Variants in COL14A1 observed in about 807,000 individuals in gnomAD.
COL14A1 encodes collagen type XIV alpha 1 chain.
In COL14A1, 136 loss-of-function variants were observed where a neutral mutation model predicts 230.3. That is an observed-to-expected ratio of 0.59 (90% CI 0.51 to 0.68). The LOEUF is 0.68. Ranked by LOEUF, COL14A1 falls within the 30% of genes least tolerant of loss-of-function variation. The pLI, the probability that COL14A1 is intolerant of heterozygous loss-of-function variation, is 0.00. For synonymous variants in COL14A1, 792 were observed against 784.1 expected (o/e 1.01, Z -0.17); for missense variants, 1,976 against 2,215.8 (o/e 0.89, Z 2.17).
At chr8:120,335,714 A>C (rs1822037964) in intron 42 of COL14A1, among the ~76,000 whole-genome samples, 1 of 152,224 alleles carries the variant, frequency 6.6e-6, no homozygotes, top group Admixed American at 6.5e-5. Flanking sequence ...GTCTGCCTTC[A>C]GCTGCCGGCT....
intron 2 of COL14A1, among the ~76,000 whole-genome samples, chr8:120,150,309 G>A (rs772967043): frequency 6.6e-6 from 1 of 152,104 alleles, no homozygotes; most frequent in Non-Finnish European, 1.5e-5. Flanking sequence ...TTGAGGGATA[G>A]GAACAAACAA....
chr8:120,358,038 C>T (rs1351953362), intron 45 of COL14A1, among the ~76,000 whole-genome samples: 1 of 152,022 alleles, frequency 6.6e-6, no homozygotes, highest in Non-Finnish European at 1.5e-5. Flanking sequence ...ATGTTCCCAC[C>T]CTTTATAATT....
At chr8:120,209,123 CTT>C (rs1296093159) in intron 11 of COL14A1, among the ~76,000 whole-genome samples, 1 of 152,164 alleles carries the variant, frequency 6.6e-6, no homozygotes, top group Non-Finnish European at 1.5e-5. Flanking sequence ...AATGCCCTCA[CTT>C]TGCAGAAATA....
At chr8:120,324,330 T>C (rs1333964792) in intron 40 of COL14A1, among the ~76,000 whole-genome samples, 2 of 152,196 alleles carry the variant, frequency 1.3e-5, no homozygotes, top group East Asian at 3.8e-4. Context: ...CATATACATT[T>C]TTAATGTGTG....
chr8:120,223,947 C>T (rs977672276), intron 14 of COL14A1, among the ~76,000 whole-genome samples: 6 of 151,566 alleles, frequency 4.0e-5, no homozygotes, highest in Non-Finnish European at 8.8e-5. Context: ...AGCCCCGTGC[C>T]CAACACCTCA....
chr8:120,360,586 C>T (rs200268831), intron 45 of COL14A1, among the ~76,000 whole-genome samples: 14 of 152,250 alleles, frequency 9.2e-5, no homozygotes, highest in East Asian at 3.8e-4. Flanking sequence ...TTCTTCAAGA[C>T]GTCATTTTGG....
Position 120,313,982 on chromosome 8 carries a change from A to T in COL14A1, c.4506A>T (p.Pro1502=), listed in dbSNP as rs1469124685. The T allele has an allele frequency of 3.7e-6, 6 of 1,613,082 alleles. No individual in the cohort carries two copies. The highest frequency in any genetic ancestry group is 4.5e-5 in the East Asian group (2 of 44,792). ...GEIGLPGPQG[P]PGPQGPSGLS... is the part of the protein sequence containing the mutation. ...TTGGTCTGCCAGGACCTCAGGGTCC[A>T]CCTGGACCTCAAGGACCAAGTGGTC... The change falls in exon 38 of 48, where the codon CCA becomes CCT. Residue 1502 remains proline (P), a synonymous_variant. Coordinates refer to ENST00000297848, the MANE Select transcript of COL14A1 (RefSeq NM_021110.4).
At chr8:120,148,978 T>C (rs1414164915) in intron 2 of COL14A1, among the ~76,000 whole-genome samples, 1 of 152,232 alleles carries the variant, frequency 6.6e-6, no homozygotes, top group African/African-American at 2.4e-5. Context: ...CTGTGGCTAC[T>C]TTCATGCTAC....
intron 45 of COL14A1, among the ~76,000 whole-genome samples, chr8:120,355,956 T>C (rs1245039691): frequency 6.6e-6 from 1 of 152,256 alleles, no homozygotes; most frequent in Admixed American, 6.5e-5. Flanking sequence ...CTATTATTTA[T>C]AGCTTTTACT....
chr8:120,370,999 A>T, intron 47 of COL14A1, 153 bp from the exon 48 acceptor site: 1 of 1,055,550 alleles, frequency 9.5e-7, no homozygotes, highest in Non-Finnish European at 1.4e-6. Context: ...CTGAAACCTT[A>T]TGGGGAAGGT....
chr8:120,315,529 T>G lies in COL14A1; in HGVS notation c.4552-4T>G. On this transcript the variant is annotated splice_region_variant and splice_polypyrimidine_tract_variant and intron_variant, in intron 38 of 47. Coordinates refer to ENST00000297848, the MANE Select transcript of COL14A1 (RefSeq NM_021110.4). Reference sequence around the variant, plus strand: ...CTTAACTCTGTATACTTTTGGATATTCAGGGAATGCCAGGAGAAAAAGGAG... The same window carrying G: ...CTTAACTCTGTATACTTTTGGATATGCAGGGAATGCCAGGAGAAAAAGGAG... The G allele has an allele frequency of 6.2e-7, 1 of 1,612,230 alleles. No individual in the cohort carries two copies.
intron 3 of COL14A1, among the ~76,000 whole-genome samples, chr8:120,159,465 A>T (rs1815587261): frequency 6.6e-6 from 1 of 151,988 alleles, no homozygotes; most frequent in Admixed American, 6.6e-5. Context: ...ATGTAAACAT[A>T]ATTATTTTTT....
chr8:120,318,515 A>G (rs926045349), intron 40 of COL14A1, among the ~76,000 whole-genome samples: 5 of 152,196 alleles, frequency 3.3e-5, no homozygotes, highest in Non-Finnish European at 5.9e-5. Flanking sequence ...ACAGTTAGAT[A>G]TTAATAATTA....
intron 34 of COL14A1, among the ~76,000 whole-genome samples, chr8:120,296,889 T>A (rs1391753815): frequency 1.3e-5 from 2 of 151,964 alleles, no homozygotes; most frequent in Non-Finnish European, 2.9e-5. Flanking sequence ...GTGTACCATA[T>A]TTATGTGCTC....
intron 19 of COL14A1, chr8:120,231,916 G>A (rs1818281036): frequency 3.5e-6 from 1 of 286,342 alleles, no homozygotes; most frequent in Non-Finnish European, 6.6e-6. Context: ...GTCATAAAAG[G>A]CCATATGCAC....
At position 120,250,662 on chromosome 8, in the gene COL14A1, C is replaced by T; in HGVS notation, c.2648C>T (p.Thr883Ile). 6.2e-7 allele frequency: 1 copy of T among 1,614,242 alleles called. No homozygotes were observed. Among genetic ancestry groups the T allele is most frequent in the Non-Finnish European group, 8.5e-7 (1 of 1,180,044 alleles). Reference protein sequence around the residue: ...LETFVGADINTILITNLLSGM... With the variant: ...LETFVGADINIILITNLLSGM... The stretch of plus-strand genomic sequence containing the variant: ...ACGTTTGTGGGAGCTGACATTAACA[C>T]CATCCTTATCACAAACCTCCTCAGC... The change falls in exon 22 of 48, where the codon ACC becomes ATC. Residue 883 changes from threonine (T) to isoleucine (I), a missense_variant. Transcript: ENST00000297848.
chr8:120,278,700 A>G, intron 28 of COL14A1, 122 bp downstream of exon 28: 2 of 969,992 alleles, frequency 2.1e-6, no homozygotes, highest in Non-Finnish European at 2.9e-6. Context: ...CATATTAACT[A>G]GACAGTGTAA....
At chr8:120,359,109 G>A (rs538279629) in intron 45 of COL14A1, among the ~76,000 whole-genome samples, 2 of 151,816 alleles carry the variant, frequency 1.3e-5, no homozygotes, top group African/African-American at 4.8e-5. Flanking sequence ...TGCTGAACGT[G>A]CAGGTTTGTT....
chr8:120,358,512 T>TA (rs1442233902), intron 45 of COL14A1, among the ~76,000 whole-genome samples: 3 of 152,050 alleles, frequency 2.0e-5, no homozygotes, highest in South Asian at 2.1e-4. Context: ...ATGTGGATAT[T>TA]GTGCCTCAAT....
Sources: gnomAD v4.1 joint callset for allele counts (sites outside exome capture counted in the v4.1 genomes callset) on GRCh38, gnomAD v4.1.1 for gene constraint, MANE v1.5 for transcripts, NCBI Gene and HGNC (gene_info 2026-07-23, HGNC 2026-07-21) for gene names.